Variants in PSPC1 observed in about 807,000 individuals in gnomAD.
PSPC1 encodes paraspeckle component 1, also known as paraspeckle protein 1.
PSPC1 carries 14 observed loss-of-function variants against 51.6 expected under a neutral mutation model. The ratio of observed to expected loss-of-function variants is 0.27; its 90% CI spans 0.18 to 0.42. The LOEUF is 0.42. Among genes scored for constraint, PSPC1 ranks in the 10% least tolerant of loss-of-function variants. The pLI, the probability that PSPC1 is intolerant of heterozygous loss-of-function variation, is 1.00. For missense variants in PSPC1, 406 were observed against 701.1 expected (o/e 0.58, Z 4.75); for synonymous variants, 193 against 231.9 (o/e 0.83, Z 1.53).
At chr13:19,750,028 T>A (rs147538898) in intron 4 of PSPC1, among the ~76,000 whole-genome samples, 33 of 152,246 alleles carry the variant, frequency 2.2e-4, no homozygotes, top group African/African-American at 7.5e-4. Flanking sequence ...ATGTACGAAA[T>A]ACTAGAACAC....
Position 19,782,618 on chromosome 13 carries a change from G to C in PSPC1, c.140C>G (p.Pro47Arg), listed in dbSNP as rs1890094806. The C allele has an allele frequency of 6.3e-7, 1 of 1,576,786 alleles. No homozygotes were observed. The highest frequency in any genetic ancestry group is 8.6e-7 in the Non-Finnish European group (1 of 1,165,394). ...MALALAGEPA[P>R]PAPAPPEDHP... Reference sequence around the variant, plus strand: ...GTCCTCTGGAGGCGCGGGCGCGGGCGGTGCCGGCTCCCCGGCAAGAGCGAG... The same window carrying C: ...GTCCTCTGGAGGCGCGGGCGCGGGCCGTGCCGGCTCCCCGGCAAGAGCGAG... Residue 47 changes from proline (P) to arginine (R), a missense_variant, in exon 1 of 9, where the codon CCG (proline) becomes CGG (arginine). Coordinates refer to ENST00000338910, the MANE Select transcript of PSPC1 (RefSeq NM_001354909.2). This position sits in a 1 kb window ranked among gnomAD's most constrained non-coding sequence, Gnocchi z 4.5.
intron 2 of PSPC1, among the ~76,000 whole-genome samples, chr13:19,762,646 A>C (rs193089639): frequency 6.6e-6 from 1 of 152,196 alleles, no homozygotes; most frequent in Admixed American, 6.5e-5. Context: ...TGTACAAGGG[A>C]ATTACTTAAG....
intron 1 of PSPC1, among the ~76,000 whole-genome samples, chr13:19,773,825 T>A (rs1026452686): frequency 4.6e-5 from 7 of 152,090 alleles, no homozygotes; most frequent in South Asian, 4.1e-4. Context: ...GCTAATTTTT[T>A]AATTTTCTGT....
intron 5 of PSPC1, among the ~76,000 whole-genome samples, chr13:19,732,926 C>CAA (rs34848375): frequency 0.011 from 1,615 of 142,750 alleles, 30 homozygotes; most frequent in African/African-American, 0.037. Context: ...GACTCCATCT[C>CAA]AAAAAAAAAA....
At chr13:19,722,578 G>A (rs1374258846) in intron 6 of PSPC1, among the ~76,000 whole-genome samples, 1 of 152,178 alleles carries the variant, frequency 6.6e-6, no homozygotes, top group Non-Finnish European at 1.5e-5. Context: ...TGGATCACCT[G>A]AGGACAGGGG....
At chr13:19,768,949 A>T (rs958999336) in intron 2 of PSPC1, among the ~76,000 whole-genome samples, 1 of 148,562 alleles carries the variant, frequency 6.7e-6, no homozygotes, top group Non-Finnish European at 1.5e-5. Context: ...AGCCTAGCCA[A>T]CGTGGCGAAA....
chr13:19,702,164 T>C (rs1302000623), downstream of PSPC1, among the ~76,000 whole-genome samples: 1 of 152,154 alleles, frequency 6.6e-6, no homozygotes, highest in Non-Finnish European at 1.5e-5. Context: ...ACCACTGCCA[T>C]TCCTTGGAGA....
At chr13:19,756,747 G>A (rs1887116003) in intron 3 of PSPC1, among the ~76,000 whole-genome samples, 1 of 151,500 alleles carries the variant, frequency 6.6e-6, no homozygotes, top group Non-Finnish European at 1.5e-5. Flanking sequence ...TGCCCGCCTC[G>A]GCCTCCCAAA....
chr13:19,742,958 A>C lies in PSPC1; in HGVS notation c.968-1309T>G, dbSNP rs9579676. ...GAGGAGACAATTCTTCAAAGAAGAA[A>C]GCAAAGATAAATGCTGATATAAACA... On this transcript the variant is annotated intron_variant, in intron 4 of 8. Transcript: ENST00000338910. 1.8e-4 allele frequency among the ~76,000 whole-genome samples: 28 copies of C among 152,242 alleles called. 1 individual carries two copies. Among genetic ancestry groups the C allele is most frequent in the Admixed American group, 7.2e-4 (11 of 15,276 alleles).
At chr13:19,718,057 A>C (rs1383743835) in intron 6 of PSPC1, among the ~76,000 whole-genome samples, 1 of 152,098 alleles carries the variant, frequency 6.6e-6, no homozygotes, top group Non-Finnish European at 1.5e-5. Context: ...AAATTTTTAA[A>C]CGTTTTAAAA....
intron 6 of PSPC1, among the ~76,000 whole-genome samples, chr13:19,694,453 T>C (rs1027809304): frequency 6.6e-6 from 1 of 152,136 alleles, no homozygotes; most frequent in Non-Finnish European, 1.5e-5. Context: ...TTGAACCCAA[T>C]GTAGTCAAAA....
chr13:19,759,719 G>A (rs1415245006), intron 2 of PSPC1, among the ~76,000 whole-genome samples: 7 of 151,938 alleles, frequency 4.6e-5, no homozygotes, highest in Admixed American at 2.0e-4. Flanking sequence ...AAAATTAGCC[G>A]GGCATTGTGG....
At chr13:19,671,540 TCTAGG>T (rs2137549007), downstream of PSPC1, among the ~76,000 whole-genome samples, 1 of 152,320 alleles carries the variant, frequency 6.6e-6, no homozygotes, top group East Asian at 1.9e-4. Flanking sequence ...TGAATCATGA[TCTAGG>T]CCTTGGTATG....
chr13:19,751,572 G>T, intron 3 of PSPC1, 105 bp from the exon 4 acceptor site: 1 of 681,836 alleles, frequency 1.5e-6, no homozygotes, highest in Non-Finnish European at 2.2e-6. Context: ...GTGAGACACC[G>T]TGTCTACATG....
rs905491857 is a variant in PSPC1 at position 19,782,219 on chromosome 13, G to A, written c.372+167C>T. ...CCGTGAACTCGAAACCAAAGGCGCC[G>A]AGCTGGGGAAGCGGCCAACCCCGCA... On this transcript the variant is annotated intron_variant, in intron 1 of 8. Transcript: ENST00000338910. This position sits in a 1 kb window ranked among gnomAD's most constrained non-coding sequence, Gnocchi z 4.5. 2.0e-5 allele frequency among the ~76,000 whole-genome samples: 3 copies of A among 152,228 alleles called. No individual in the cohort carries two copies. In the East Asian group the frequency reaches 5.8e-4, roughly 29 times the overall value.
intron 4 of PSPC1, among the ~76,000 whole-genome samples, chr13:19,750,481 T>TA (rs1348069116): frequency 2.0e-5 from 3 of 147,876 alleles, no homozygotes; most frequent in Non-Finnish European, 4.5e-5. Context: ...TATATACACT[T>TA]ACCAATTACT....
At chr13:19,756,533 A>G (rs1044516439) in intron 3 of PSPC1, among the ~76,000 whole-genome samples, 1 of 151,434 alleles carries the variant, frequency 6.6e-6, no homozygotes, top group Non-Finnish European at 1.5e-5. Context: ...ACGGAGTCTC[A>G]CTGTCATCCA....
intron 6 of PSPC1, among the ~76,000 whole-genome samples, chr13:19,729,172 T>C (rs1323342309): frequency 1.3e-5 from 2 of 152,180 alleles, no homozygotes; most frequent in African/African-American, 4.8e-5. Flanking sequence ...AAGTAACTAC[T>C]AGAAAAGAAG....
chr13:19,706,197 A>G (rs976506832), intron 7 of PSPC1, among the ~76,000 whole-genome samples: 1 of 152,236 alleles, frequency 6.6e-6, no homozygotes, highest in African/African-American at 2.4e-5. Flanking sequence ...ACAAAGGATT[A>G]GCACTTACAA....
Sources: gnomAD v4.1 joint callset for allele counts (sites outside exome capture counted in the v4.1 genomes callset) on GRCh38, gnomAD v4.1.1 for gene constraint, Gnocchi (gnomAD v3.1) non-coding constraint, MANE v1.5 for transcripts, NCBI Gene and HGNC (gene_info 2026-07-23, HGNC 2026-07-21) for gene names.